Variants in GTSE1 observed in about 807,000 individuals in gnomAD.
GTSE1 encodes the protein G2 and S phase-expressed protein 1.
In GTSE1, 52 loss-of-function variants were observed where a neutral mutation model predicts 60.5. The observed-to-expected ratio is 0.86, with a 90% confidence interval of 0.69 to 1.08. GTSE1 has a LOEUF of 1.08. GTSE1 is among the 50% of genes least tolerant of loss of function. The probability of loss-of-function intolerance (pLI) is 0.00; values close to 1 mark genes in which losing one functional copy is unlikely to be tolerated. For missense variants in GTSE1, 937 were observed against 961.8 expected (o/e 0.97, Z 0.34); for synonymous variants, 368 against 386.5 (o/e 0.95, Z 0.56).
At position 46,313,830 on chromosome 22, in the gene GTSE1, A is replaced by C. The variant is rs2077762629; in HGVS notation, c.928-60A>C. Reference sequence around the variant, plus strand: ...CCAAAAACCCCTTACTTTTGCAGACACAAGTAATAGGTAAATAACGAGATC... The same window carrying C: ...CCAAAAACCCCTTACTTTTGCAGACCCAAGTAATAGGTAAATAACGAGATC... On this transcript the variant is annotated intron_variant, in intron 5 of 11. Transcript: ENST00000454366. This position sits in a 1 kb window ranked among gnomAD's most constrained non-coding sequence, Gnocchi z 4.4. 3.1e-6 allele frequency: 5 copies of C among 1,600,654 alleles called. No homozygotes were observed. The highest frequency in any genetic ancestry group is 1.7e-4 in the Middle Eastern group (1 of 6,008).
Position 46,309,914 on chromosome 22 carries a change from G to T in GTSE1, c.762+971G>T, listed in dbSNP as rs903142772. ...TGGAGCACACGTGGACTCGGGACAGGGATTGTGCATGTAGCACGCGTGGAC... is the reference window on the plus strand; with the variant it reads ...TGGAGCACACGTGGACTCGGGACAGTGATTGTGCATGTAGCACGCGTGGAC... On this transcript the variant is annotated intron_variant, in intron 4 of 11. Transcript: ENST00000454366. This position sits in a 1 kb window ranked among gnomAD's most constrained non-coding sequence, Gnocchi z 6.2. Among the ~76,000 whole-genome samples the T allele has an allele frequency of 5.9e-5, 9 of 152,298 alleles. No homozygotes were observed. Among genetic ancestry groups the T allele is most frequent in the Non-Finnish European group, 7.4e-5 (5 of 68,026 alleles).
rs2077742567 is a variant in GTSE1, at chr22:46,310,605, C to T, written c.763-1536C>T. 6.6e-6 allele frequency among the ~76,000 whole-genome samples: 1 copy of T among 152,198 alleles called. No individual in the cohort carries two copies. ...GATGATTGGGTAACGAAAATGCAGT[C>T]TATCCAAACAATGGTTTATTTTTGG... On this transcript the variant is annotated intron_variant, in intron 4 of 11. Transcript: ENST00000454366. This position sits in a 1 kb window ranked among gnomAD's most constrained non-coding sequence, Gnocchi z 4.4.
Position 46,317,313 on chromosome 22 carries a change from TATC to T in GTSE1, c.1432+904_1432+906del, listed in dbSNP as rs67734616. ...AGTTTGGGTAGTTTCTGTTGTCAGA[TATC>T]ATTTCTTCTGCAGTGCCTAACAGCT... On this transcript the variant is annotated intron_variant, in intron 7 of 11. Coordinates refer to ENST00000454366, the MANE Select transcript of GTSE1 (RefSeq NM_016426.7). This position sits in a 1 kb window ranked among gnomAD's most constrained non-coding sequence, Gnocchi z 5.6. 8.6e-3 allele frequency among the ~76,000 whole-genome samples: 1,312 copies of T among 152,268 alleles called. 10 individuals carry two copies. Among genetic ancestry groups the T allele is most frequent in the Admixed American group, 0.015 (232 of 15,268 alleles).
chr22:46,297,477 A>C lies in GTSE1; in HGVS notation c.77A>C (p.Glu26Ala). The C allele has an allele frequency of 6.2e-7, 1 of 1,607,630 alleles. No individual in the cohort carries two copies. The highest frequency in any genetic ancestry group is 8.5e-7 in the Non-Finnish European group (1 of 1,174,306). ...GTGAACATGGATGACCCTAAGAAGGAAGGCAAGTCCTTGCTGCTGCGGCGC... is the reference window on the plus strand; with the variant it reads ...GTGAACATGGATGACCCTAAGAAGGCAGGCAAGTCCTTGCTGCTGCGGCGC... The part of the protein sequence containing the change: ...GDVNMDDPKK[E>A]DILLLADEKF... The change falls in exon 2 of 12, where the codon GAA (glutamate) becomes GCA (alanine). Residue 26 changes from glutamate (E) to alanine (A), a missense_variant and splice_region_variant. Coordinates refer to ENST00000454366, the MANE Select transcript of GTSE1 (RefSeq NM_016426.7). The surrounding 1 kb of genome is among the most constrained non-coding windows in gnomAD (Gnocchi z 4.9).
chr22:46,301,682 T>C (rs1034920979), intron 2 of GTSE1, among the ~76,000 whole-genome samples: 3 of 151,334 alleles, frequency 2.0e-5, no homozygotes, highest in Admixed American at 6.6e-5. Flanking sequence ...AAAGATGAGG[T>C]TTCACCATGT....
At chr22:46,328,583 A>G (rs1486062007) in intron 9 of GTSE1, 105 bp from the exon 10 acceptor site, 8 of 848,164 alleles carry the variant, frequency 9.4e-6, no homozygotes, top group Non-Finnish European at 1.5e-5. Context: ...GCCGGGACGC[A>G]CTCCACCCAG....
intron 9 of GTSE1, 23 bp downstream of exon 9, chr22:46,326,677 A>C (rs759730586): frequency 3.3e-6 from 5 of 1,538,158 alleles, no homozygotes; most frequent in African/African-American, 1.4e-5. Context: ...GGTGGTAATA[A>C]ATTGGTCTCA....
At position 46,308,937 on chromosome 22, in the gene GTSE1, G is replaced by A. The variant is rs200502529; in HGVS notation, c.756G>A (p.Ala252=). The A allele has an allele frequency of 3.3e-5, 53 of 1,608,536 alleles. No homozygotes were observed. The highest frequency in any genetic ancestry group is 4.2e-5 in the Non-Finnish European group (49 of 1,177,104). Residue 252 remains alanine, a synonymous_variant, in exon 4 of 12, where the codon GCG becomes GCA. Transcript: ENST00000454366. ...SVRGRSIPGA[A]EKPKKEIPAS... ...GAGGAAGAAGCATCCCTGGGGCTGC[G>A]GAGAAGGTAAATGCCACAGCAGAGC...
chr22:46,315,763 A>G (rs1273843486), intron 6 of GTSE1, among the ~76,000 whole-genome samples: 4 of 152,208 alleles, frequency 2.6e-5, no homozygotes, highest in Non-Finnish European at 5.9e-5. Context: ...TGCCAACATA[A>G]TCAACGAAGA....
chr22:46,312,051 G>C, intron 4 of GTSE1, 90 bp from the exon 5 acceptor site: 4 of 1,081,148 alleles, frequency 3.7e-6, no homozygotes, highest in Non-Finnish European at 5.4e-6. Flanking sequence ...GGGGAAGATG[G>C]GGCCTAGGCT....
rs1191912417 is a variant in GTSE1 at position 46,316,147 on chromosome 22, T to G, written c.1167T>G (p.Pro389=). ...AMLRPALPAG[P]VGASSWQAKR... ...TGCGGCCAGCTCTGCCTGCAGGCCCTGTGGGGGCATCCTCCTGGCAGGCCA... is the reference window on the plus strand; with the variant it reads ...TGCGGCCAGCTCTGCCTGCAGGCCCGGTGGGGGCATCCTCCTGGCAGGCCA... Residue 389 remains proline (P), a synonymous_variant, in exon 7 of 12, where the codon CCT becomes CCG. Transcript: ENST00000454366. The surrounding 1 kb of genome is among the most constrained non-coding windows in gnomAD (Gnocchi z 5.0). 6.2e-7 allele frequency: 1 copy of G among 1,611,378 alleles called. No individual in the cohort carries two copies. Among genetic ancestry groups the G allele is most frequent in the African/African-American group, 1.3e-5 (1 of 74,916 alleles).
Position 46,329,272 on chromosome 22 carries a change from C to G in GTSE1, c.1927-86C>G, listed in dbSNP as rs1229345347. 7 of 1,162,780 alleles carry G rather than the reference C, an allele frequency of 6.0e-6. No homozygotes were observed. The highest frequency in any genetic ancestry group is 4.9e-5 in the South Asian group (4 of 81,648). The allele number at this position is 1,162,780 out of a possible 1,614,324, so 72.0% of individuals were successfully genotyped here. A position where few individuals can be genotyped will look rare whatever the true frequency, so the allele number is the denominator to read the frequency against. Reference sequence around the variant, plus strand: ...TTGGCTTTCCAAACCGCCAGCCCACCTGGAACATGAGCAAAGCTCACATTC... The same window carrying G: ...TTGGCTTTCCAAACCGCCAGCCCACGTGGAACATGAGCAAAGCTCACATTC... On this transcript the variant is annotated intron_variant, in intron 10 of 11. Transcript: ENST00000454366. This position sits in a 1 kb window ranked among gnomAD's most constrained non-coding sequence, Gnocchi z 6.4.
At chr22:46,322,087 A>G (rs2077816586) in intron 7 of GTSE1, among the ~76,000 whole-genome samples, 1 of 151,442 alleles carries the variant, frequency 6.6e-6, no homozygotes, top group Non-Finnish European at 1.5e-5. Flanking sequence ...AAAAAAAAAA[A>G]AAAAAAAAAA....
At chr22:46,306,432 C>T (rs192042392) in intron 2 of GTSE1, among the ~76,000 whole-genome samples, 87 of 151,680 alleles carry the variant, frequency 5.7e-4, no homozygotes, top group African/African-American at 2.1e-3. Flanking sequence ...CCGCCCGCCT[C>T]GGCCTCCCAA....
intron 9 of GTSE1, 101 bp from the exon 10 acceptor site, chr22:46,328,587 C>T (rs1257981102): frequency 2.3e-6 from 2 of 886,592 alleles, no homozygotes; most frequent in South Asian, 1.5e-5. Context: ...GGACGCACTC[C>T]ACCCAGGACA....
Position 46,321,038 on chromosome 22 carries a change from G to A in GTSE1, c.1433-2152G>A, listed in dbSNP as rs907556393. Among the ~76,000 whole-genome samples the A allele has an allele frequency of 5.9e-5, 9 of 151,898 alleles. No individual in the cohort carries two copies. Among genetic ancestry groups the A allele is most frequent in the African/African-American group, 1.2e-4 (5 of 41,344 alleles). On this transcript the variant is annotated intron_variant, in intron 7 of 11. Coordinates refer to ENST00000454366, the MANE Select transcript of GTSE1 (RefSeq NM_016426.7). This position sits in a 1 kb window ranked among gnomAD's most constrained non-coding sequence, Gnocchi z 4.0. ...GGGAGGCGGCAAGGGAGAGGGAGGC[G>A]GCGAGGGAGAGAGAGGTGGGCTTGC...
At chr22:46,315,926 G>A in intron 6 of GTSE1, 106 bp from the exon 7 acceptor site, 1 of 883,340 alleles carries the variant, frequency 1.1e-6, no homozygotes, top group Non-Finnish European at 1.7e-6. Flanking sequence ...TTGTTAATGT[G>A]TCTTATGTTT....
In GTSE1 at chr22:46,321,074, G is replaced by A. The variant is rs913106956; in HGVS notation, c.1433-2116G>A. ...GAGAGGTGGGCTTGCCTCCACACCC[G>A]CCAGGAGTGACCAACTTGGGTCTCA... On this transcript the variant is annotated intron_variant, in intron 7 of 11. Transcript: ENST00000454366. The surrounding 1 kb of genome is among the most constrained non-coding windows in gnomAD (Gnocchi z 4.0). Among the ~76,000 whole-genome samples the A allele has an allele frequency of 2.6e-5, 4 of 151,988 alleles. No homozygotes were observed. The highest frequency in any genetic ancestry group is 6.6e-5 in the Admixed American group (1 of 15,254).
Position 46,316,330 on chromosome 22 carries a change from AC to A in GTSE1, c.1351del (p.Arg451GlyfsTer6). ...SQLNKTRSIRRRDSCLNSKTK... is the reference protein window; with the variant it reads ...SQLNKTRSIRXRDSCLNSKTK... ...AATTGAATAAGACTAGAAGTATCAG[AC>A]GGCGAGATTCCTGTCTAAATTCCAA... is the stretch of plus-strand genomic sequence containing the variant. On this transcript the variant is annotated frameshift_variant, in exon 7 of 12. Transcript: ENST00000454366. LOFTEE classifies it high-confidence loss of function. This position sits in a 1 kb window ranked among gnomAD's most constrained non-coding sequence, Gnocchi z 5.0. 1 of 1,613,540 alleles carries A rather than the reference AC, an allele frequency of 6.2e-7. No homozygotes were observed. The highest frequency in any genetic ancestry group is 8.5e-7 in the Non-Finnish European group (1 of 1,179,432).
Sources: allele counts gnomAD v4.1 joint callset (sites outside exome capture counted in the v4.1 genomes callset), GRCh38; gene constraint gnomAD v4.1.1; non-coding constraint Gnocchi (gnomAD v3.1); transcripts MANE v1.5; gene names NCBI Gene and HGNC (gene_info 2026-07-23, HGNC 2026-07-21).